The following RAD51B variants were observed in gnomAD, a reference collection of about 807,000 sequenced individuals.
RAD51B encodes DNA repair protein RAD51 homolog 2.
In RAD51B, 38 loss-of-function variants were observed where a neutral mutation model predicts 42.2. The observed-to-expected ratio is 0.90, with a 90% CI of 0.70 to 1.18. RAD51B has a LOEUF of 1.18. Among genes scored for constraint, RAD51B ranks in the 50% most tolerant of loss-of-function variants. The probability of loss-of-function intolerance (pLI) is 0.00; values close to 1 mark genes in which losing one functional copy is unlikely to be tolerated. For missense variants in RAD51B, 373 were observed against 400.7 expected, an observed-to-expected ratio of 0.93 and a Z score of 0.59; for synonymous variants, 154 against 145.2, an observed-to-expected ratio of 1.06 and a Z score of -0.43.
intron 8 of RAD51B, among the ~76,000 whole-genome samples, chr14:68,381,341 C>T (rs1157801325): frequency 6.6e-6 from 1 of 152,100 alleles, no homozygotes; most frequent in African/African-American, 2.4e-5. Context: ...GGTCTATTTC[C>T]TAGTTCCCTT....
At chr14:68,037,977 A>G (rs1322100320) in intron 7 of RAD51B, among the ~76,000 whole-genome samples, 2 of 152,230 alleles carry the variant, frequency 1.3e-5, no homozygotes, top group African/African-American at 4.8e-5. Context: ...TCCTTTTGAT[A>G]TAAACTGGTT....
intron 7 of RAD51B, among the ~76,000 whole-genome samples, chr14:68,179,663 G>A (rs2079022642): frequency 6.6e-6 from 1 of 152,080 alleles, no homozygotes; most frequent in Non-Finnish European, 1.5e-5. Flanking sequence ...ATGTCATATG[G>A]AATTTTTTTC....
intron 10 of RAD51B, among the ~76,000 whole-genome samples, chr14:68,586,269 C>T (rs1890472297): frequency 6.6e-6 from 1 of 152,212 alleles, no homozygotes; most frequent in Non-Finnish European, 1.5e-5. Context: ...AGCAACTCCC[C>T]AGCTCAGTCT....
chr14:68,181,359 G>A (rs182624150), intron 7 of RAD51B, among the ~76,000 whole-genome samples: 59 of 152,266 alleles, frequency 3.9e-4, no homozygotes, highest in Non-Finnish European at 6.2e-4. Flanking sequence ...GTTTCACCTC[G>A]AGTCCAGGGC....
chr14:68,606,403 C>T (rs552825261), intron 10 of RAD51B, among the ~76,000 whole-genome samples: 5 of 152,312 alleles, frequency 3.3e-5, no homozygotes, highest in Admixed American at 2.0e-4. Flanking sequence ...GCAAGCACCA[C>T]GTGTCCTTGA....
intron 7 of RAD51B, among the ~76,000 whole-genome samples, chr14:67,926,193 A>G (rs1028734524): frequency 1.3e-5 from 2 of 152,194 alleles, no homozygotes; most frequent in African/African-American, 2.4e-5. Context: ...GCCAGGCTGC[A>G]CATTTTCTAA....
intron 9 of RAD51B, among the ~76,000 whole-genome samples, chr14:68,425,019 C>T (rs1407554182): frequency 6.6e-6 from 1 of 152,214 alleles, no homozygotes; most frequent in African/African-American, 2.4e-5. Context: ...ATGTAATCCT[C>T]CTGCCTCAGT....
At chr14:68,175,867 C>G (rs1337229124) in intron 7 of RAD51B, among the ~76,000 whole-genome samples, 1 of 152,198 alleles carries the variant, frequency 6.6e-6, no homozygotes, top group African/African-American at 2.4e-5. Context: ...TAAAGTCTGA[C>G]AGTTCCAAGC....
intron 9 of RAD51B, among the ~76,000 whole-genome samples, chr14:68,446,371 C>G (rs116717227): frequency 5.0e-4 from 76 of 152,236 alleles, no homozygotes; most frequent in Middle Eastern, 3.4e-3. Context: ...TTTCTGCTTG[C>G]CCTTGATCTC....
intron 7 of RAD51B, chr14:68,236,481 ATCC>A (rs2080260869): frequency 6.6e-6 from 1 of 152,208 alleles, no homozygotes; most frequent in Non-Finnish European, 1.5e-5. Context: ...GGCTCAAGCA[ATCC>A]TCCTGCCTCA....
intron 7 of RAD51B, among the ~76,000 whole-genome samples, chr14:67,943,007 A>G (rs1027221383): frequency 6.6e-6 from 1 of 152,058 alleles, no homozygotes; most frequent in Non-Finnish European, 1.5e-5. Context: ...GAATTTTGAA[A>G]CAGTCAACTG....
intron 9 of RAD51B, among the ~76,000 whole-genome samples, chr14:68,424,633 A>G (rs982725472): frequency 4.6e-5 from 7 of 152,254 alleles, no homozygotes; most frequent in Middle Eastern, 3.4e-3. Flanking sequence ...TTGCCTTTTT[A>G]TACCATCCTC....
intron 7 of RAD51B, among the ~76,000 whole-genome samples, chr14:67,989,440 C>G (rs1017822540): frequency 3.3e-5 from 5 of 151,724 alleles, no homozygotes; most frequent in African/African-American, 1.2e-4. Flanking sequence ...AGTTCAAGAC[C>G]AGCTGACCAA....
intron 10 of RAD51B, chr14:68,471,892 A>G (rs1230896473): frequency 6.5e-6 from 1 of 154,080 alleles, no homozygotes; most frequent in Non-Finnish European, 1.4e-5. Flanking sequence ...GCTCACAGCC[A>G]CCAGTTTCCT....
At chr14:68,422,271 G>A (rs951410966) in intron 9 of RAD51B, 12 of 742,920 alleles carry the variant, frequency 1.6e-5, no homozygotes, top group Non-Finnish European at 2.9e-5. Flanking sequence ...ATAAAATTAG[G>A]GGTAGAGGAG....
At chr14:68,236,921 C>T (rs894376039) in intron 7 of RAD51B, among the ~76,000 whole-genome samples, 3 of 152,186 alleles carry the variant, frequency 2.0e-5, no homozygotes, top group African/African-American at 7.2e-5. Flanking sequence ...CTAATTGTAA[C>T]AGTCTGTTCC....
intron 9 of RAD51B, among the ~76,000 whole-genome samples, chr14:68,456,797 T>A (rs1271653832): frequency 6.9e-6 from 1 of 144,784 alleles, no homozygotes; most frequent in African/African-American, 2.5e-5. Flanking sequence ...AAGTATAAAT[T>A]AGACTACAAG....
chr14:68,269,903 G>T (rs1019184106), intron 7 of RAD51B, among the ~76,000 whole-genome samples: 2 of 152,204 alleles, frequency 1.3e-5, no homozygotes, highest in Non-Finnish European at 2.9e-5. Context: ...GTGGAACACA[G>T]GCCTTGGATT....
At chr14:68,436,285 C>T (rs1294605236) in intron 9 of RAD51B, among the ~76,000 whole-genome samples, 2 of 152,102 alleles carry the variant, frequency 1.3e-5, no homozygotes, top group Non-Finnish European at 2.9e-5. Flanking sequence ...GAGTCTTTTC[C>T]CCATTGCTTA....
Sources: gnomAD v4.1 joint callset for allele counts (sites outside exome capture counted in the v4.1 genomes callset) on GRCh38, gnomAD v4.1.1 for gene constraint, MANE v1.5 for transcripts, NCBI Gene and HGNC (gene_info 2026-07-23, HGNC 2026-07-21) for gene names.